CCDC30: variants seen among roughly 807,000 people sequenced by gnomAD.
The protein encoded by CCDC30 is coiled-coil domain containing 30.
A neutral mutation model predicts 100.2 loss-of-function variants in CCDC30; 70 were observed. That is an observed-to-expected ratio of 0.70 (90% CI 0.58 to 0.85). CCDC30 has a LOEUF of 0.85. CCDC30 is among the 40% of genes least tolerant of loss of function. The pLI, the probability that CCDC30 is intolerant of heterozygous loss-of-function variation, is 0.00. For synonymous variants in CCDC30, 233 were observed against 269.5 expected (o/e 0.86, Z 1.33); for missense variants, 652 against 771.2 (o/e 0.85, Z 1.83).
chr1:42,482,845 C>A, intron 3 of CCDC30, 29 bp downstream of exon 3: 2 of 1,224,352 alleles, frequency 1.6e-6, no homozygotes, highest in Non-Finnish European at 2.0e-6. Flanking sequence ...TGACCATTTC[C>A]GATCATGCTT....
intron 4 of CCDC30, among the ~76,000 whole-genome samples, chr1:42,493,371 C>T (rs1054196781): frequency 5.9e-5 from 9 of 152,052 alleles, no homozygotes; most frequent in Non-Finnish European, 8.8e-5. Flanking sequence ...AGGTGGATCA[C>T]GAGGTCAAGA....
chr1:42,500,765 T>C (rs1644300834), intron 6 of CCDC30, among the ~76,000 whole-genome samples: 1 of 113,732 alleles, frequency 8.8e-6, no homozygotes, highest in African/African-American at 2.9e-5. Flanking sequence ...TTTGTTTTGT[T>C]TTTTTACATA....
intron 6 of CCDC30, among the ~76,000 whole-genome samples, chr1:42,554,913 T>A (rs1025258941): frequency 6.6e-6 from 1 of 152,130 alleles, no homozygotes; most frequent in Admixed American, 6.6e-5. Context: ...GCTCACGTTC[T>A]TCTGTGTCTG....
At chr1:42,593,010 G>A (rs1198080247) in intron 10 of CCDC30, 1 of 152,176 alleles carries the variant, frequency 6.6e-6, no homozygotes, top group Non-Finnish European at 1.5e-5. Context: ...CACCAGTTAT[G>A]TGAGTTTTTC....
At chr1:42,546,033 C>T (rs1015432355) in intron 6 of CCDC30, among the ~76,000 whole-genome samples, 9 of 151,576 alleles carry the variant, frequency 5.9e-5, no homozygotes, top group East Asian at 1.9e-4. Context: ...CCAAAAAGTT[C>T]GTCTTTTGAT....
intron 11 of CCDC30, among the ~76,000 whole-genome samples, chr1:42,613,610 T>C (rs1646668835): frequency 1.3e-5 from 2 of 151,912 alleles, no homozygotes; most frequent in Admixed American, 6.6e-5. Flanking sequence ...AGGGTTCCTC[T>C]TTTTTTTAGT....
the CCDC30 span, chr1:42,456,653 C>G: frequency 5.0e-6 from 8 of 1,595,958 alleles, no homozygotes; most frequent in Admixed American, 1.7e-5. Flanking sequence ...CGCGGCCAGG[C>G]TGGGCGCGCA....
intron 6 of CCDC30, among the ~76,000 whole-genome samples, chr1:42,559,471 A>C (rs972229545): frequency 6.6e-6 from 1 of 151,398 alleles, no homozygotes; most frequent in African/African-American, 2.4e-5. Context: ...AATGGAAAGC[A>C]AAAAAAAGCA....
chr1:42,642,797 G>GAGGA (rs1308369413), intron 13 of CCDC30, among the ~76,000 whole-genome samples, 188 bp downstream of exon 17: 23 of 152,334 alleles, frequency 1.5e-4, no homozygotes, highest in Admixed American at 1.5e-3. Flanking sequence ...AAATATCATG[G>GAGGA]AGGAGGCTGG....
intron 7 of CCDC30, among the ~76,000 whole-genome samples, chr1:42,567,896 A>G (rs1230656006): frequency 6.6e-6 from 1 of 152,162 alleles, no homozygotes. Flanking sequence ...TGGTAACAAG[A>G]GAAGATTTTT....
chr1:42,599,366 T>C (rs577975271), intron 10 of CCDC30, among the ~76,000 whole-genome samples: 2 of 152,304 alleles, frequency 1.3e-5, no homozygotes, highest in South Asian at 4.1e-4. Flanking sequence ...GTTAGTTGTA[T>C]GTTATAAATT....
chr1:42,463,055 C>T (rs147803607), upstream of CCDC30, among the ~76,000 whole-genome samples: 324 of 152,350 alleles, frequency 2.1e-3, 2 homozygotes, highest in Middle Eastern at 0.014. Flanking sequence ...AATGTATTCG[C>T]TAAGTCGCAA....
chr1:42,484,816 G>T (rs1335577), intron 3 of CCDC30, among the ~76,000 whole-genome samples: 7 of 151,692 alleles, frequency 4.6e-5, no homozygotes, highest in African/African-American at 7.3e-5. Context: ...AATTTTTTCA[G>T]TGATAATTTT....
At chr1:42,488,901 G>A (rs1421704717) in intron 3 of CCDC30, among the ~76,000 whole-genome samples, 2 of 152,178 alleles carry the variant, frequency 1.3e-5, no homozygotes, top group African/African-American at 2.4e-5. Flanking sequence ...TTTGGCCTCT[G>A]CCTATGTATC....
intron 8 of CCDC30, among the ~76,000 whole-genome samples, chr1:42,580,240 C>G (rs1645935040): frequency 6.6e-6 from 1 of 152,232 alleles, no homozygotes; most frequent in Non-Finnish European, 1.5e-5. Flanking sequence ...GGAACTTGAG[C>G]TGGCCTCAGA....
At chr1:42,537,356 C>T in intron 6 of CCDC30, 1 of 429,060 alleles carries the variant, frequency 2.3e-6, no homozygotes. Flanking sequence ...TTGTAGTTTG[C>T]AGTGCCCCTA....
intron 11 of CCDC30, among the ~76,000 whole-genome samples, chr1:42,614,535 C>G (rs1161884616): frequency 6.6e-6 from 1 of 150,878 alleles, no homozygotes; most frequent in Non-Finnish European, 1.5e-5. Context: ...GCCTGTAATC[C>G]CAGCACTTTG....
intron 10 of CCDC30, among the ~76,000 whole-genome samples, chr1:42,602,073 T>C (rs1646414309): frequency 6.6e-6 from 1 of 152,058 alleles, no homozygotes; most frequent in Non-Finnish European, 1.5e-5. Context: ...GACAGCAGAA[T>C]GGATAAAGTA....
In CCDC30 at chr1:42,604,058, AT is replaced by A. The variant is rs373842389; in HGVS notation, c.1165-6911del. On this transcript the variant is annotated intron_variant, in intron 10 of 16. Transcript: ENST00000668663. ...AACATAGTAAGACCCTGTCTCTCCA[AT>A]TTTTTTTTAATTAGCTGGGTGGTAC... 3.8e-3 allele frequency among the ~76,000 whole-genome samples: 581 copies of A among 151,062 alleles called. 3 individuals are homozygous for A. The highest frequency in any genetic ancestry group is 0.014 in the African/African-American group (560 of 41,170).
Sources: allele counts gnomAD v4.1 joint callset (sites outside exome capture counted in the v4.1 genomes callset), GRCh38; gene constraint gnomAD v4.1.1; transcripts MANE v1.5; gene names NCBI Gene and HGNC (gene_info 2026-07-23, HGNC 2026-07-21).